The following CDH18 variants were observed in gnomAD, a reference collection of about 807,000 sequenced individuals.
CDH18 encodes cadherin-18.
Under a neutral mutation model 67.9 loss-of-function variants are expected in CDH18, and 31 were observed. The ratio of observed to expected loss-of-function variants is 0.46; its 90% confidence interval spans 0.34 to 0.62. CDH18 has a LOEUF of 0.62. Among genes scored for constraint, CDH18 ranks in the 20% least tolerant of loss-of-function variants. The pLI, the probability that CDH18 is intolerant of heterozygous loss-of-function variation, is 0.01. For missense variants in CDH18, 890 were observed against 975.5 expected, an observed-to-expected ratio of 0.91 and a Z score of 1.17; for synonymous variants, 362 against 347.2, an observed-to-expected ratio of 1.04 and a Z score of -0.48.
chr5:20,147,967 A>G (rs1257001452), intron 2 of CDH18, among the ~76,000 whole-genome samples: 1 of 152,180 alleles, frequency 6.6e-6, no homozygotes, highest in Non-Finnish European at 1.5e-5. Flanking sequence ...AAAGTGGCCA[A>G]ATAAGAGTGA....
intron 5 of CDH18, among the ~76,000 whole-genome samples, chr5:19,702,799 G>T (rs1453986125): frequency 6.6e-6 from 1 of 152,048 alleles, no homozygotes; most frequent in Non-Finnish European, 1.5e-5. Context: ...ACATGCTCAT[G>T]ATTGCTATGG....
chr5:20,328,508 T>TGTGTGAGAGAGAGAGAGAGA (rs1491143591), intron 1 of CDH18, among the ~76,000 whole-genome samples: 19 of 112,106 alleles, frequency 1.7e-4, no homozygotes, highest in African/African-American at 5.4e-4. Context: ...TGTGTGTGTG[T>TGTGTGAGAGAGAGAGAGAGA]GAGAGAGAGA....
chr5:20,429,073 CTCTTT>C (rs1560993156), intron 1 of CDH18, among the ~76,000 whole-genome samples: 1 of 142,774 alleles, frequency 7.0e-6, no homozygotes, highest in Non-Finnish European at 1.6e-5. Flanking sequence ...TTGCTGATAC[CTCTTT>C]TTTTTTTTAA....
intron 1 of CDH18, among the ~76,000 whole-genome samples, chr5:20,436,169 A>C (rs1159710281): frequency 6.6e-6 from 1 of 152,000 alleles, no homozygotes; most frequent in African/African-American, 2.4e-5. Flanking sequence ...CAGGGGAAGA[A>C]AATAATTAGG....
chr5:20,118,343 TA>T (rs1748088821), intron 2 of CDH18, among the ~76,000 whole-genome samples: 1 of 152,192 alleles, frequency 6.6e-6, no homozygotes. Context: ...CTATTACTTG[TA>T]AATAGCTTTA....
intron 4 of CDH18, among the ~76,000 whole-genome samples, chr5:19,722,727 T>C (rs2150584349): frequency 6.6e-6 from 1 of 152,112 alleles, no homozygotes; most frequent in Admixed American, 6.6e-5. Context: ...TAATGGTGCA[T>C]ACTTGATATT....
intron 3 of CDH18, among the ~76,000 whole-genome samples, chr5:19,835,126 G>A (rs1473766031): frequency 6.6e-6 from 1 of 152,110 alleles, no homozygotes; most frequent in Non-Finnish European, 1.5e-5. Flanking sequence ...CAACCCAAAT[G>A]CCTATCAATA....
At chr5:19,646,791 G>A (rs1754812530) in intron 5 of CDH18, among the ~76,000 whole-genome samples, 1 of 152,018 alleles carries the variant, frequency 6.6e-6, no homozygotes, top group Admixed American at 6.6e-5. Flanking sequence ...CTAATACAGG[G>A]GATGGATTTC....
intron 1 of CDH18, among the ~76,000 whole-genome samples, chr5:20,357,922 TAA>T (rs565138910): frequency 2.7e-5 from 4 of 148,210 alleles, no homozygotes; most frequent in African/African-American, 9.9e-5. Flanking sequence ...TGTGCAGGAT[TAA>T]AAAAAAAAAT....
At chr5:19,600,251 T>C (rs893660487) in intron 6 of CDH18, among the ~76,000 whole-genome samples, 1 of 151,404 alleles carries the variant, frequency 6.6e-6, no homozygotes, top group African/African-American at 2.4e-5. Context: ...CTAATGTAAA[T>C]GACGAGTTAA....
intron 1 of CDH18, among the ~76,000 whole-genome samples, chr5:20,275,834 C>A (rs1745769603): frequency 6.6e-6 from 1 of 152,166 alleles, no homozygotes; most frequent in Admixed American, 6.5e-5. Context: ...TATCTTCTGG[C>A]AGTGGCTGCA....
intron 1 of CDH18, among the ~76,000 whole-genome samples, chr5:20,271,824 G>A (rs546762441): frequency 2.6e-5 from 4 of 152,020 alleles, no homozygotes; most frequent in South Asian, 2.1e-4. Context: ...TTGTTATGGC[G>A]GTAGAATACT....
chr5:20,159,998 A>T (rs934386405), intron 2 of CDH18, among the ~76,000 whole-genome samples: 5 of 152,178 alleles, frequency 3.3e-5, no homozygotes, highest in African/African-American at 7.2e-5. Context: ...ACACAAAAAA[A>T]TTTTTGCTAT....
At chr5:19,687,528 T>C (rs1362992467) in intron 5 of CDH18, among the ~76,000 whole-genome samples, 2 of 152,262 alleles carry the variant, frequency 1.3e-5, no homozygotes, top group African/African-American at 2.4e-5. Flanking sequence ...TTCGTTGGCA[T>C]AGGACAAGGG....
chr5:19,593,707 C>CCTCCTTCTTCTTCTTCTTCTT, intron 6 of CDH18, among the ~76,000 whole-genome samples: 437 of 33,304 alleles, frequency 0.013, 6 homozygotes, highest in Admixed American at 0.02. Context: ...TCCTCCTCCT[C>CCTCCTTCTTCTTCTTCTTCTT]CTTCTTCTTC....
At chr5:20,347,294 C>T (rs373112806) in intron 1 of CDH18, among the ~76,000 whole-genome samples, 6 of 152,240 alleles carry the variant, frequency 3.9e-5, no homozygotes, top group Non-Finnish European at 4.4e-5. Context: ...GTCCTTCTTC[C>T]GAGGCCTGCT....
intron 1 of CDH18, among the ~76,000 whole-genome samples, chr5:20,425,555 G>T (rs1748238798): frequency 6.6e-6 from 1 of 151,020 alleles, no homozygotes; most frequent in South Asian, 2.1e-4. Flanking sequence ...GAAGGTACAT[G>T]TATTAAGATA....
At chr5:20,390,953 G>A (rs1244423145) in intron 1 of CDH18, among the ~76,000 whole-genome samples, 1 of 151,958 alleles carries the variant, frequency 6.6e-6, no homozygotes, top group Non-Finnish European at 1.5e-5. Context: ...ATGGACCCAG[G>A]AAGGGGAACG....
chr5:20,142,288 A>G (rs2126529425), intron 2 of CDH18, among the ~76,000 whole-genome samples: 2 of 152,256 alleles, frequency 1.3e-5, no homozygotes, highest in East Asian at 3.9e-4. Flanking sequence ...TAATCCAAAA[A>G]GCTAATCCAG....
Sources: allele counts gnomAD v4.1 joint callset (sites outside exome capture counted in the v4.1 genomes callset), GRCh38; gene constraint gnomAD v4.1.1; transcripts MANE v1.5; gene names NCBI Gene and HGNC (gene_info 2026-07-23, HGNC 2026-07-21).